CACNG8: variants seen among roughly 807,000 people sequenced by gnomAD.
CACNG8 encodes calcium voltage-gated channel auxiliary subunit gamma 8, also known as voltage-dependent calcium channel gamma-8 subunit.
In CACNG8, 5 loss-of-function variants were observed where a neutral mutation model predicts 26.9. The ratio of observed to expected loss-of-function variants is 0.19; its 90% confidence interval spans 0.10 to 0.39. The LOEUF is 0.39. Ranked by LOEUF, CACNG8 falls within the 10% of genes least tolerant of loss-of-function variation. The probability of loss-of-function intolerance (pLI) is 1.00; values close to 1 mark genes in which losing one functional copy is unlikely to be tolerated. For synonymous variants in CACNG8, 321 were observed against 296.7 expected (o/e 1.08, Z -0.84); for missense variants, 473 against 609.4 (o/e 0.78, Z 2.36).
intron 1 of CACNG8, among the ~76,000 whole-genome samples, chr19:53,972,261 G>T (rs1336367636): frequency 1.3e-5 from 2 of 151,632 alleles, no homozygotes; most frequent in Non-Finnish European, 2.9e-5. Flanking sequence ...CTCACAAAGT[G>T]CTGGGATTAC....
chr19:53,975,826 AATG>A (rs1259605004), intron 1 of CACNG8, among the ~76,000 whole-genome samples: 5 of 152,184 alleles, frequency 3.3e-5, no homozygotes, highest in Admixed American at 2.6e-4. Flanking sequence ...TCAGCTGCGA[AATG>A]ATGACCCTTT....
At chr19:53,979,788 G>C in intron 2 of CACNG8, 79 bp from the exon 3 acceptor site, 1 of 1,452,706 alleles carries the variant, frequency 6.9e-7, no homozygotes, top group Non-Finnish European at 9.2e-7. Flanking sequence ...CGCGAGATGG[G>C]GGGCCGGGAA....
Position 53,969,541 on chromosome 19 carries a change from T to A in CACNG8, c.283+6116T>A, listed in dbSNP as rs73600030. Among the ~76,000 whole-genome samples the A allele has an allele frequency of 4.6e-3, 689 of 151,152 alleles. 9 individuals are homozygous for A. Among genetic ancestry groups the A allele is most frequent in the African/African-American group, 0.016 (669 of 41,188 alleles). ...TCTCAACGCATTGGGATTACAGGAG[T>A]GAGCCACCCTGCCCGGCCCAGCATC... is the stretch of plus-strand genomic sequence containing the variant. On this transcript the variant is annotated intron_variant, in intron 1 of 3. Coordinates refer to ENST00000270458, the MANE Select transcript of CACNG8 (RefSeq NM_031895.6).
At position 53,985,850 on chromosome 19, in the gene CACNG8, A is replaced by G. The variant is rs2069404066; in HGVS notation, c.*3001A>G. 6.6e-6 allele frequency: 1 copy of G among 151,552 alleles called. No individual in the cohort carries two copies. Among genetic ancestry groups the G allele is most frequent in the Non-Finnish European group, 1.5e-5 (1 of 68,080 alleles). 9.4% of individuals were successfully genotyped at this position (151,552 alleles called of 1,614,324 possible). On this transcript the variant is annotated 3_prime_UTR_variant, in exon 4 of 4. Coordinates refer to ENST00000270458, the MANE Select transcript of CACNG8 (RefSeq NM_031895.6). ...GACTCTGTCTCAAAAAAAAAAAAAA[A>G]ATTGAGAGACAGCAAATATTTGCTG...
Position 53,982,663 on chromosome 19 carries a change from C to T in CACNG8, c.1092C>T (p.Gly364=), listed in dbSNP as rs2069379569. ...AGCGGGACCGCGGGGGGGCGTCCGG[C>T]TTCCTCACGCTGCACAACGCCTTCC... The change falls in exon 4 of 4, where the codon GGC becomes GGT. Residue 364 remains glycine (G), a synonymous_variant. Coordinates refer to ENST00000270458, the MANE Select transcript of CACNG8 (RefSeq NM_031895.6). The surrounding 1 kb of genome is among the most constrained non-coding windows in gnomAD (Gnocchi z 8.4). 3.7e-6 allele frequency: 4 copies of T among 1,085,028 alleles called. No homozygotes were observed. The highest frequency in any genetic ancestry group is 4.5e-6 in the Non-Finnish European group (4 of 895,992). 67.2% of individuals were successfully genotyped at this position (1,085,028 alleles called of 1,614,324 possible). A position where few individuals can be genotyped will look rare whatever the true frequency, so the allele number is the denominator to read the frequency against.
At chr19:53,973,125 C>T (rs370930182) in intron 1 of CACNG8, among the ~76,000 whole-genome samples, 12 of 152,312 alleles carry the variant, frequency 7.9e-5, no homozygotes, top group African/African-American at 1.9e-4. Flanking sequence ...ATTACTGTCA[C>T]CACTAACCTG....
Position 53,982,932 on chromosome 19 carries a change from C to A in CACNG8, c.*83C>A. ...TCGAGGCTGCCGGGGTCGGGGGCGC[C>A]CCCGCTTTCCCCCGTGAGCGCGCTG... On this transcript the variant is annotated 3_prime_UTR_variant, in exon 4 of 4. Transcript: ENST00000270458. This position sits in a 1 kb window ranked among gnomAD's most constrained non-coding sequence, Gnocchi z 8.4. 2.2e-6 allele frequency: 2 copies of A among 927,930 alleles called. No individual in the cohort carries two copies. Among genetic ancestry groups the A allele is most frequent in the African/African-American group, 3.5e-5 (2 of 56,526 alleles). The allele number at this position is 927,930 out of a possible 1,614,324, so 57.5% of individuals were successfully genotyped here.
chr19:53,967,101 TC>T (rs1280661145), intron 1 of CACNG8, among the ~76,000 whole-genome samples: 1 of 152,136 alleles, frequency 6.6e-6, no homozygotes, highest in Admixed American at 6.6e-5. Context: ...CCTTGATCTC[TC>T]CTACTAGGAT....
intron 1 of CACNG8, among the ~76,000 whole-genome samples, chr19:53,976,369 A>AT (rs1346028078): frequency 2.0e-5 from 3 of 152,202 alleles, no homozygotes; most frequent in Admixed American, 6.6e-5. Context: ...AATAAAAAAA[A>AT]TGGAGACGTT....
chr19:53,987,928 C>T lies in CACNG8; in HGVS notation c.*5079C>T, dbSNP rs2069417469. 6.6e-6 allele frequency: 1 copy of T among 151,876 alleles called. No individual in the cohort carries two copies. The highest frequency in any genetic ancestry group is 6.6e-5 in the Admixed American group (1 of 15,212). 9.4% of individuals were successfully genotyped at this position (151,876 alleles called of 1,614,324 possible). On this transcript the variant is annotated 3_prime_UTR_variant, in exon 4 of 4. Transcript: ENST00000270458. ...AGGGGGGTGGGGACAGAGAAGCGACCCTGGCCAGAGCCTTGGGGACATCTA... is the reference window on the plus strand; with the variant it reads ...AGGGGGGTGGGGACAGAGAAGCGACTCTGGCCAGAGCCTTGGGGACATCTA...
chr19:53,968,055 A>T (rs74801490), intron 1 of CACNG8, among the ~76,000 whole-genome samples: 10 of 151,970 alleles, frequency 6.6e-5, no homozygotes, highest in African/African-American at 2.4e-4. Context: ...ATCATCATAT[A>T]GATGAATCAG....
chr19:53,972,892 C>T (rs868366638), intron 1 of CACNG8, among the ~76,000 whole-genome samples: 11 of 152,146 alleles, frequency 7.2e-5, no homozygotes, highest in Admixed American at 2.6e-4. Flanking sequence ...ACTCCCAAAC[C>T]GAGCTGTGCT....
At chr19:53,964,244 C>T (rs571750918) in intron 1 of CACNG8, among the ~76,000 whole-genome samples, 65 of 151,960 alleles carry the variant, frequency 4.3e-4, no homozygotes, top group African/African-American at 1.3e-3. Context: ...CTGCCTCTCC[C>T]GCCCCCTTTC....
chr19:53,978,349 T>C (rs910699362), intron 2 of CACNG8, 120 bp downstream of exon 2: 3 of 718,514 alleles, frequency 4.2e-6, no homozygotes, highest in Non-Finnish European at 7.3e-6. Context: ...ACGCCGAGGT[T>C]AGCCTCCCAG....
chr19:53,980,078 G>T (rs2069355709), intron 3 of CACNG8, 71 bp downstream of exon 3: 3 of 1,434,082 alleles, frequency 2.1e-6, no homozygotes, highest in Non-Finnish European at 2.8e-6. Context: ...GTGTGTGTGT[G>T]TGTGTGTGCG....
In CACNG8 at chr19:53,985,519, C is replaced by G. The variant is rs182828206; in HGVS notation, c.*2670C>G. 6.6e-6 allele frequency: 1 copy of G among 152,100 alleles called. No homozygotes were observed. Among genetic ancestry groups the G allele is most frequent in the Non-Finnish European group, 1.5e-5 (1 of 68,034 alleles). The allele number at this position is 152,100 out of a possible 1,614,324, so 9.4% of individuals were successfully genotyped here. A position where few individuals can be genotyped will look rare whatever the true frequency, so the allele number is the denominator to read the frequency against. On this transcript the variant is annotated 3_prime_UTR_variant, in exon 4 of 4. Coordinates refer to ENST00000270458, the MANE Select transcript of CACNG8 (RefSeq NM_031895.6). ...AAGCGCTGAGTGAGAGAGACGGATA[C>G]GTGGAGAGAAGAGGGATGCCGGAGC...
chr19:53,979,172 G>A (rs1375770810), intron 2 of CACNG8, among the ~76,000 whole-genome samples: 2 of 140,646 alleles, frequency 1.4e-5, no homozygotes, highest in Non-Finnish European at 3.1e-5. Context: ...GAGAGACTTA[G>A]GAAGACAGAT....
intron 1 of CACNG8, among the ~76,000 whole-genome samples, chr19:53,969,187 A>G (rs1276643767): frequency 1.3e-5 from 2 of 151,960 alleles, no homozygotes; most frequent in Non-Finnish European, 2.9e-5. Flanking sequence ...TACTTTTAGT[A>G]GAGACGGGGT....
chr19:53,982,657 G>C lies in CACNG8; in HGVS notation c.1086G>C (p.Ala362=). The C allele has an allele frequency of 2.8e-6, 3 of 1,071,094 alleles. No individual in the cohort carries two copies. The highest frequency in any genetic ancestry group is 2.3e-6 in the Non-Finnish European group (2 of 887,076). The allele number at this position is 1,071,094 out of a possible 1,614,324, so 66.3% of individuals were successfully genotyped here. A position where few individuals can be genotyped will look rare whatever the true frequency, so the allele number is the denominator to read the frequency against. Reference sequence around the variant, plus strand: ...GTGCCGAGCGGGACCGCGGGGGGGCGTCCGGCTTCCTCACGCTGCACAACG... The same window carrying C: ...GTGCCGAGCGGGACCGCGGGGGGGCCTCCGGCTTCCTCACGCTGCACAACG... Residue 362 remains alanine, a synonymous_variant, in exon 4 of 4, where the codon GCG becomes GCC. Coordinates refer to ENST00000270458, the MANE Select transcript of CACNG8 (RefSeq NM_031895.6). The surrounding 1 kb of genome is among the most constrained non-coding windows in gnomAD (Gnocchi z 8.4).
Sources: allele counts gnomAD v4.1 joint callset (sites outside exome capture counted in the v4.1 genomes callset), GRCh38; gene constraint gnomAD v4.1.1; non-coding constraint Gnocchi (gnomAD v3.1); transcripts MANE v1.5; gene names NCBI Gene and HGNC (gene_info 2026-07-23, HGNC 2026-07-21).